The following GLI3 variants were observed in gnomAD, a reference collection of about 807,000 sequenced individuals.
The protein encoded by GLI3 is transcription activator GLI3.
In GLI3, 20 loss-of-function variants were observed where a neutral mutation model predicts 100.8. That is an observed-to-expected ratio of 0.20 (90% CI 0.14 to 0.29). The LOEUF (loss-of-function observed/expected upper bound fraction) is 0.29. GLI3 is among the 10% of genes least tolerant of loss of function. The pLI, the probability that GLI3 is intolerant of heterozygous loss-of-function variation, is 1.00. For missense variants in GLI3, 2,040 were observed against 2,128.5 expected, an observed-to-expected ratio of 0.96 and a Z score of 0.82; for synonymous variants, 938 against 860.5, an observed-to-expected ratio of 1.09 and a Z score of -1.58.
chr7:42,054,048 C>T lies in GLI3; in HGVS notation c.474-5352G>A, dbSNP rs542305594. 1.4e-4 allele frequency among the ~76,000 whole-genome samples: 22 copies of T among 152,290 alleles called. No individual in the cohort carries two copies. The South Asian group carries it at 1.9e-3, about 13-fold the overall frequency. Reference sequence around the variant, plus strand: ...TATGCTGTTTCTACCCCTCTGTCTTCCAAGACATTGGAGACCTAATGAGTC... The same window carrying T: ...TATGCTGTTTCTACCCCTCTGTCTTTCAAGACATTGGAGACCTAATGAGTC... On this transcript the variant is annotated intron_variant, in intron 4 of 14. Transcript: ENST00000395925.
At chr7:42,185,901 T>C (rs534866523) in intron 2 of GLI3, among the ~76,000 whole-genome samples, 57 of 152,276 alleles carry the variant, frequency 3.7e-4, no homozygotes, top group African/African-American at 1.3e-3. Context: ...TGTGCTAGGC[T>C]CCCTCTTTGG....
intron 7 of GLI3, among the ~76,000 whole-genome samples, chr7:42,039,000 T>C (rs972908374): frequency 2.6e-5 from 4 of 152,312 alleles, no homozygotes; most frequent in African/African-American, 9.6e-5. Context: ...CATCCGTTAG[T>C]ATGTACTTTT....
chr7:41,986,076 A>G (rs1199120925), intron 10 of GLI3, among the ~76,000 whole-genome samples: 1 of 152,200 alleles, frequency 6.6e-6, no homozygotes, highest in Non-Finnish European at 1.5e-5. Context: ...AAATTATACC[A>G]GAAAATACCC....
chr7:42,257,159 G>T (rs1789093144), intron 1 of GLI3, among the ~76,000 whole-genome samples: 1 of 152,006 alleles, frequency 6.6e-6, no homozygotes, highest in African/African-American at 2.4e-5. Context: ...ATTAGTTCTA[G>T]TGGTTTTAGG....
chr7:42,146,603 A>T (rs1039151708), intron 3 of GLI3, among the ~76,000 whole-genome samples: 5 of 152,208 alleles, frequency 3.3e-5, no homozygotes, highest in African/African-American at 1.2e-4. Context: ...AGATGGGAAA[A>T]GTTTGTGTTC....
chr7:42,213,436 T>C (rs1351400295), intron 2 of GLI3, among the ~76,000 whole-genome samples: 1 of 152,210 alleles, frequency 6.6e-6, no homozygotes, highest in Non-Finnish European at 1.5e-5. Context: ...AGCAGTCTAA[T>C]TGAGTTTCGT....
chr7:41,970,240 GA>G (rs1787329496), intron 13 of GLI3, among the ~76,000 whole-genome samples: 1 of 152,074 alleles, frequency 6.6e-6, no homozygotes, highest in Non-Finnish European at 1.5e-5. Flanking sequence ...TAAGAAAAAA[GA>G]AGAAAGAATT....
intron 2 of GLI3, among the ~76,000 whole-genome samples, chr7:42,218,771 T>C (rs777695149): frequency 3.3e-5 from 5 of 152,286 alleles, no homozygotes; most frequent in Non-Finnish European, 7.4e-5. Context: ...CACTTTAAAG[T>C]ATGTTCCCAA....
At chr7:42,223,809 G>A (rs1378228103) in intron 1 of GLI3, among the ~76,000 whole-genome samples, 1 of 152,230 alleles carries the variant, frequency 6.6e-6, no homozygotes, top group African/African-American at 2.4e-5. Flanking sequence ...AGGCCAAGTA[G>A]TCAGTGATTT....
At chr7:42,021,189 T>C (rs1413541989) in intron 10 of GLI3, among the ~76,000 whole-genome samples, 7 of 152,226 alleles carry the variant, frequency 4.6e-5, no homozygotes, top group Non-Finnish European at 8.8e-5. Context: ...TTATTTATGT[T>C]GTTGTAAATT....
At chr7:42,080,015 C>A (rs138418163) in intron 3 of GLI3, among the ~76,000 whole-genome samples, 67 of 152,164 alleles carry the variant, frequency 4.4e-4, no homozygotes, top group African/African-American at 1.6e-3. Context: ...AAGCGTGTAC[C>A]CAACAAGTAT....
chr7:42,173,048 A>G (rs1290123224), intron 2 of GLI3, among the ~76,000 whole-genome samples: 2 of 152,102 alleles, frequency 1.3e-5, no homozygotes, highest in Non-Finnish European at 2.9e-5. Flanking sequence ...CACACTGTAG[A>G]CCTTACTCTT....
At chr7:42,094,187 C>A (rs1785288448) in intron 3 of GLI3, among the ~76,000 whole-genome samples, 1 of 152,170 alleles carries the variant, frequency 6.6e-6, no homozygotes, top group Non-Finnish European at 1.5e-5. Flanking sequence ...CTTAGCTCTT[C>A]AACGATGCTG....
At chr7:42,044,131 T>C (rs1471054854) in intron 6 of GLI3, among the ~76,000 whole-genome samples, 1 of 152,202 alleles carries the variant, frequency 6.6e-6, no homozygotes, top group Non-Finnish European at 1.5e-5. Flanking sequence ...ATCACCTTCT[T>C]TCTAGTCCGA....
chr7:41,976,962 C>T (rs983455262), intron 12 of GLI3, among the ~76,000 whole-genome samples: 4 of 152,208 alleles, frequency 2.6e-5, no homozygotes, highest in African/African-American at 9.7e-5. Context: ...AAGCTTTACT[C>T]AATATGTTTT....
intron 3 of GLI3, chr7:42,113,511 A>T: frequency 9.0e-7 from 1 of 1,114,422 alleles, no homozygotes; most frequent in South Asian, 1.2e-5. Flanking sequence ...AAGGTACCCA[A>T]AGGGAAAAAG....
rs71006469 is a variant in GLI3, at chr7:42,262,225, T to TTTCCTTCCTTCC, written c.-43+1757_-43+1768dup. On this transcript the variant is annotated intron_variant, in intron 1 of 2. Transcript: ENST00000678978. ...CCTTCCTTCTTTCCTTCCTTCCTTC[T>TTTCCTTCCTTCC]TTCCTTCCTTCCTTCCTTCCTTTCT... Among the ~76,000 whole-genome samples, 612 of 118,762 alleles carry TTTCCTTCCTTCC rather than the reference T, an allele frequency of 5.2e-3. 9 individuals carry two copies. Among genetic ancestry groups the TTTCCTTCCTTCC allele is most frequent in the Middle Eastern group, 0.024 (4 of 168 alleles). 77.9% of individuals were successfully genotyped at this position (118,762 alleles called of 152,430 possible). A position where few individuals can be genotyped will look rare whatever the true frequency, so the allele number is the denominator to read the frequency against.
At chr7:42,192,547 ACTTT>A (rs758570914) in intron 2 of GLI3, among the ~76,000 whole-genome samples, 5 of 152,224 alleles carry the variant, frequency 3.3e-5, no homozygotes, top group Admixed American at 6.5e-5. Context: ...TGGCCTTCAA[ACTTT>A]CTTTAACAAG....
intron 1 of GLI3, among the ~76,000 whole-genome samples, chr7:42,262,072 C>G (rs1306109503): frequency 1.3e-5 from 2 of 150,208 alleles, no homozygotes; most frequent in Non-Finnish European, 3.0e-5. Context: ...CTCTCTCTCT[C>G]TTTCTTTCTT....
Sources: gnomAD v4.1 joint callset for allele counts (sites outside exome capture counted in the v4.1 genomes callset) on GRCh38, gnomAD v4.1.1 for gene constraint, MANE v1.5 for transcripts, NCBI Gene and HGNC (gene_info 2026-07-23, HGNC 2026-07-21) for gene names.